RBMS1: variants seen among roughly 807,000 people sequenced by gnomAD.
RBMS1 encodes RNA-binding motif, single-stranded-interacting protein 1.
In RBMS1, 17 loss-of-function variants were observed where a neutral mutation model predicts 62.3. The observed-to-expected ratio is 0.27, with a 90% CI of 0.19 to 0.41. RBMS1 has a LOEUF of 0.41. Among genes scored for constraint, RBMS1 ranks in the 10% least tolerant of loss-of-function variants. RBMS1 has a pLI of 1.00. For missense variants in RBMS1, 334 were observed against 504.5 expected (o/e 0.66, Z 3.24); for synonymous variants, 172 against 170.0 (o/e 1.01, Z -0.09).
chr2:160,486,116 G>C (rs1464678566), intron 1 of RBMS1, among the ~76,000 whole-genome samples: 1 of 152,080 alleles, frequency 6.6e-6, no homozygotes, highest in East Asian at 1.9e-4. Flanking sequence ...ACTGGTAAGG[G>C]AGGGTTTAGG....
chr2:160,389,351 A>G (rs1028699311), intron 1 of RBMS1, among the ~76,000 whole-genome samples: 46 of 152,324 alleles, frequency 3.0e-4, no homozygotes, highest in African/African-American at 1.1e-3. Context: ...GTGCTCAAAG[A>G]TATTAAACAA....
chr2:160,325,113 A>G (rs72972863), intron 2 of RBMS1, among the ~76,000 whole-genome samples: 4,090 of 152,080 alleles, frequency 0.027, 103 homozygotes, highest in Middle Eastern at 0.061. Context: ...AAGGCCAAGC[A>G]TGTTGACAGC....
Position 160,367,250 on chromosome 2 carries a change from T to C in RBMS1, c.217A>G (p.Thr73Ala). 3.1e-6 allele frequency: 5 copies of C among 1,613,680 alleles called. No homozygotes were observed. The highest frequency in any genetic ancestry group is 4.2e-6 in the Non-Finnish European group (5 of 1,179,970). Reference protein sequence around the residue: ...NLYIRGLPPHTTDQDLVKLCQ... With the variant: ...NLYIRGLPPHATDQDLVKLCQ... ...AGCTTCACCAGGTCCTGGTCGGTGG[T>C]GTGGGGAGGCAGTCCTCGGATATAG... Residue 73 changes from threonine to alanine, a missense_variant, in exon 2 of 14, where the codon ACC becomes GCC. By Grantham distance (58) the Thr-to-Ala change is moderately conservative (BLOSUM62 0). Coordinates refer to ENST00000348849, the MANE Select transcript of RBMS1 (RefSeq NM_016836.4).
intron 3 of RBMS1, among the ~76,000 whole-genome samples, chr2:160,315,371 A>AT (rs1287366614): frequency 6.6e-6 from 1 of 152,208 alleles, no homozygotes; most frequent in Non-Finnish European, 1.5e-5. Flanking sequence ...GATTATATAA[A>AT]TAGGTGTAAA....
intron 1 of RBMS1, among the ~76,000 whole-genome samples, chr2:160,440,687 T>G (rs1470552925): frequency 2.0e-5 from 3 of 152,226 alleles, no homozygotes; most frequent in African/African-American, 7.2e-5. Context: ...GGTTGTTGAC[T>G]CGAGGTCACT....
intron 1 of RBMS1, among the ~76,000 whole-genome samples, chr2:160,393,544 C>G (rs1453852869): frequency 8.5e-5 from 13 of 152,110 alleles, no homozygotes; most frequent in Admixed American, 7.9e-4. Flanking sequence ...TTTGGGAGGC[C>G]GAGGCGGGCA....
In RBMS1 at chr2:160,303,430, C is replaced by T; in HGVS notation, c.460G>A (p.Glu154Lys). The change falls in exon 5 of 14, where the codon GAG (glutamate) becomes AAG (lysine). Residue 154 changes from glutamate to lysine, a missense_variant. Physicochemically the swap from Glu to Lys is moderately conservative, Grantham distance 56. This residue lies in a region of RBMS1 where 150 missense variants were observed against 228.0 expected (regional missense o/e 0.66). Coordinates refer to ENST00000348849, the MANE Select transcript of RBMS1 (RefSeq NM_016836.4). Reference sequence around the variant, plus strand: ...TTGAGCATATTTTCTAGTTCTTGCTCATCCATGGAGAGTGGCAAATTAGAA... The same window carrying T: ...TTGAGCATATTTTCTAGTTCTTGCTTATCCATGGAGAGTGGCAAATTAGAA... ...YISNLPLSMD[E>K]QELENMLKPF... The T allele has an allele frequency of 1.9e-6, 3 of 1,613,548 alleles. No homozygotes were observed. Among genetic ancestry groups the T allele is most frequent in the Non-Finnish European group, 2.5e-6 (3 of 1,179,644 alleles).
intron 6 of RBMS1, among the ~76,000 whole-genome samples, chr2:160,289,748 C>A (rs1220667233): frequency 6.6e-6 from 1 of 151,966 alleles, no homozygotes; most frequent in African/African-American, 2.4e-5. Context: ...AAGCAAAATA[C>A]TTTTGATGCA....
At chr2:160,376,872 G>A (rs1694027473) in intron 1 of RBMS1, among the ~76,000 whole-genome samples, 1 of 152,148 alleles carries the variant, frequency 6.6e-6, no homozygotes. Flanking sequence ...TATTGCCTGT[G>A]TTGCCCAGGC....
At chr2:160,398,856 C>T (rs774129747) in intron 1 of RBMS1, among the ~76,000 whole-genome samples, 2 of 152,196 alleles carry the variant, frequency 1.3e-5, no homozygotes, top group Non-Finnish European at 2.9e-5. Context: ...TCCAGCCAGT[C>T]ACCAGCCAAA....
intron 2 of RBMS1, among the ~76,000 whole-genome samples, chr2:160,338,135 G>T (rs886956771): frequency 6.6e-6 from 1 of 152,088 alleles, no homozygotes; most frequent in Non-Finnish European, 1.5e-5. Context: ...TGCAAAATTG[G>T]TAACTGTCCT....
chr2:160,295,048 T>C (rs6706685), intron 6 of RBMS1, among the ~76,000 whole-genome samples: 107,102 of 151,788 alleles, frequency 0.71, 38,349 homozygotes, highest in East Asian at 0.82. Flanking sequence ...AAAAGAAGTC[T>C]AGAGAAGTTG....
At chr2:160,380,254 C>T (rs948109408) in intron 1 of RBMS1, among the ~76,000 whole-genome samples, 1 of 152,100 alleles carries the variant, frequency 6.6e-6, no homozygotes, top group African/African-American at 2.4e-5. Flanking sequence ...TGACTAGTGA[C>T]GGGGAGCAGC....
intron 2 of RBMS1, among the ~76,000 whole-genome samples, chr2:160,339,376 C>T (rs1442389517): frequency 1.3e-5 from 2 of 152,094 alleles, no homozygotes; most frequent in African/African-American, 4.8e-5. Context: ...ATTTTGAGCT[C>T]TTATTCCTTT....
intron 6 of RBMS1, among the ~76,000 whole-genome samples, chr2:160,291,881 A>G (rs1688697953): frequency 6.6e-6 from 1 of 151,958 alleles, no homozygotes; most frequent in Non-Finnish European, 1.5e-5. Flanking sequence ...AAAACTCCAT[A>G]CCTCCCATGA....
chr2:160,405,188 A>C (rs1344942955), intron 1 of RBMS1, among the ~76,000 whole-genome samples: 1 of 152,216 alleles, frequency 6.6e-6, no homozygotes. Flanking sequence ...TGTATGTATA[A>C]TGCAAGTGTG....
In RBMS1 at chr2:160,304,399, G is replaced by C. The variant is rs533332286; in HGVS notation, c.403-912C>G. ...ATTTTGCAATCTACTTCCTATCTAA[G>C]TTTATTTTAATAGAGAAACAATGTT... is the stretch of plus-strand genomic sequence containing the variant. On this transcript the variant is annotated intron_variant, in intron 4 of 13. Coordinates refer to ENST00000348849, the MANE Select transcript of RBMS1 (RefSeq NM_016836.4). 5.4e-4 allele frequency among the ~76,000 whole-genome samples: 82 copies of C among 151,474 alleles called. 1 individual carries two copies. Among genetic ancestry groups the C allele is most frequent in the African/African-American group, 1.6e-3 (67 of 41,366 alleles).
At chr2:160,333,535 CAG>C (rs1179254627) in intron 2 of RBMS1, among the ~76,000 whole-genome samples, 2 of 152,184 alleles carry the variant, frequency 1.3e-5, no homozygotes, top group East Asian at 3.9e-4. Context: ...ACACTGGGCT[CAG>C]TAATTGCTCC....
At chr2:160,282,179 T>A in intron 9 of RBMS1, 15 of 1,230,052 alleles carry the variant, frequency 1.2e-5, no homozygotes, top group Non-Finnish European at 1.7e-5. Context: ...CTGCATTTTA[T>A]CCCCTATTGT....
Sources: allele counts gnomAD v4.1 joint callset (sites outside exome capture counted in the v4.1 genomes callset), GRCh38; gene constraint gnomAD v4.1.1; regional missense constraint gnomAD v4.1.1; transcripts MANE v1.5; gene names NCBI Gene and HGNC (gene_info 2026-07-23, HGNC 2026-07-21).